Variants in EMC3 observed in about 807,000 individuals in gnomAD.
The protein encoded by EMC3 is 30 kDa protein.
Under a neutral mutation model 36.6 loss-of-function variants are expected in EMC3, and 13 were observed. That is an observed-to-expected ratio of 0.35 (90% confidence interval 0.23 to 0.56). The LOEUF (loss-of-function observed/expected upper bound fraction) is 0.56. Among genes scored for constraint, EMC3 ranks in the 20% least tolerant of loss-of-function variants. The probability of loss-of-function intolerance (pLI) is 0.84; values close to 1 mark genes in which losing one functional copy is unlikely to be tolerated. For missense variants in EMC3, 220 were observed against 324.5 expected, an observed-to-expected ratio of 0.68 and a Z score of 2.47; for synonymous variants, 120 against 111.9, an observed-to-expected ratio of 1.07 and a Z score of -0.46.
At chr3:9,977,104 T>G (rs1241179044) in intron 2 of EMC3, 54 bp from the exon 3 acceptor site, 1 of 1,366,094 alleles carries the variant, frequency 7.3e-7, no homozygotes, top group African/African-American at 1.5e-5. Context: ...CACAGCAAAC[T>G]GTTAAATTAC....
At position 10,007,597 on chromosome 3, in the gene EMC3, G is replaced by A. The variant is rs758733573; in HGVS notation, c.-242+3426C>T. ...GCAGGCATCCTGGGTGTCAGGGGAG[G>A]GTTGATGGCAAGACACAGCAGCAGC... On this transcript the variant is annotated intron_variant, in intron 1 of 8. Coordinates refer to the EMC3 transcript ENST00000470827. 3.2e-5 allele frequency: 44 copies of A among 1,367,456 alleles called. No individual in the cohort carries two copies. The Admixed American group carries it at 8.2e-4, about 25-fold the overall frequency. 84.7% of individuals were successfully genotyped at this position (1,367,456 alleles called of 1,614,324 possible). A position where few individuals can be genotyped will look rare whatever the true frequency, so the allele number is the denominator to read the frequency against.
At chr3:9,971,975 A>G (rs1474874813) in intron 5 of EMC3, among the ~76,000 whole-genome samples, 1 of 152,246 alleles carries the variant, frequency 6.6e-6, no homozygotes, top group African/African-American at 2.4e-5. Flanking sequence ...AGTATTTTCT[A>G]AGAGCTTTTC....
At chr3:9,988,597 A>G (rs2086007303), upstream of EMC3, 1 of 893,428 alleles carries the variant, frequency 1.1e-6, no homozygotes, top group East Asian at 2.5e-5. Context: ...ATGATAGCTG[A>G]TGGTTGCCAT....
At chr3:9,997,935 T>C (rs912066784) in intron 1 of EMC3, among the ~76,000 whole-genome samples, 18 of 152,204 alleles carry the variant, frequency 1.2e-4, no homozygotes, top group Admixed American at 9.8e-4. Flanking sequence ...TGCTGGATCA[T>C]GTGATGAACA....
intron 1 of EMC3, chr3:9,981,743 AT>A (rs1160501243): frequency 2.3e-6 from 1 of 442,974 alleles, no homozygotes; most frequent in African/African-American, 2.1e-5. Flanking sequence ...CCTGAAAGAT[AT>A]TTTCTTGGAA....
At chr3:9,986,464 G>A (rs1166033497) in intron 1 of EMC3, 43 bp downstream of exon 1, 1 of 1,602,232 alleles carries the variant, frequency 6.2e-7, no homozygotes, top group Non-Finnish European at 8.5e-7. Context: ...TTTGCCCAAG[G>A]TCACGGCGGT....
chr3:10,010,048 C>G (rs2086307159), intron 1 of EMC3: 1 of 152,760 alleles, frequency 6.5e-6, no homozygotes, highest in Non-Finnish European at 1.5e-5. Context: ...TGTCTGGTCC[C>G]CCCTGCCTGC....
chr3:9,990,663 C>A (rs1258343761), upstream of EMC3, among the ~76,000 whole-genome samples: 7 of 152,168 alleles, frequency 4.6e-5, no homozygotes, highest in Admixed American at 2.6e-4. Context: ...GTGCCTGCCA[C>A]CATGCCTGGC....
At chr3:9,974,056 C>A (rs3732966) in intron 4 of EMC3, among the ~76,000 whole-genome samples, 1 of 152,040 alleles carries the variant, frequency 6.6e-6, no homozygotes, top group Admixed American at 6.5e-5. Context: ...AATCAACTTA[C>A]AAACAAACAG....
Position 9,970,774 on chromosome 3 carries a change from T to G in EMC3, c.495-113A>C, listed in dbSNP as rs1575674397. The G allele has an allele frequency of 3.2e-6, 3 of 926,662 alleles. No homozygotes were observed. In the East Asian group the frequency reaches 7.5e-5, roughly 23 times the overall value. 57.4% of individuals were successfully genotyped at this position (926,662 alleles called of 1,614,324 possible). On this transcript the variant is annotated intron_variant, in intron 5 of 7. Coordinates refer to ENST00000245046, the MANE Select transcript of EMC3 (RefSeq NM_001394674.1). ...GTGTTTGTAAAGAAGTCACCTTGGA[T>G]GGGCTATATTCATCCAAAGCACAAC...
intron 1 of EMC3, chr3:10,007,764 G>T: frequency 3.5e-6 from 3 of 856,030 alleles, no homozygotes; most frequent in South Asian, 1.6e-5. Flanking sequence ...TTCCTTGTGG[G>T]TTCCTAATGA....
At chr3:9,995,437 G>T (rs570411260) in intron 1 of EMC3, among the ~76,000 whole-genome samples, 1 of 151,308 alleles carries the variant, frequency 6.6e-6, no homozygotes, top group African/African-American at 2.4e-5. Context: ...AGGTCAAGAC[G>T]GGATGGTCAA....
chr3:9,983,334 G>A (rs2124916564), intron 1 of EMC3, among the ~76,000 whole-genome samples: 1 of 152,174 alleles, frequency 6.6e-6, no homozygotes, highest in East Asian at 1.9e-4. Context: ...TTTTAGCAGA[G>A]ATGGGGTTTC....
rs2085707111 is a variant in EMC3 at position 9,963,467 on chromosome 3, ATATATATATAT to A, written c.*591_*601del. ...TCTGCTAAGATAGATATATATATAT[ATATATATATAT>A]TTTTTTTTTTTTTTCAGATGGAGTT... On this transcript the variant is annotated 3_prime_UTR_variant, in exon 8 of 8. Transcript: ENST00000245046. 4 of 105,842 alleles carry A rather than the reference ATATATATATAT, an allele frequency of 3.8e-5. No individual in the cohort carries two copies. The highest frequency in any genetic ancestry group is 1.5e-4 in the African/African-American group (4 of 26,476). 6.6% of individuals were successfully genotyped at this position (105,842 alleles called of 1,614,324 possible). A position where few individuals can be genotyped will look rare whatever the true frequency, so the allele number is the denominator to read the frequency against.
At chr3:9,996,290 C>G (rs140390578) in intron 1 of EMC3, among the ~76,000 whole-genome samples, 4,502 of 152,044 alleles carry the variant, frequency 0.03, 89 homozygotes, top group South Asian at 0.088. Context: ...CAAAAACATA[C>G]AAAAATTAGC....
intron 1 of EMC3, among the ~76,000 whole-genome samples, chr3:9,993,398 G>A (rs2086079631): frequency 6.6e-6 from 1 of 152,222 alleles, no homozygotes; most frequent in Admixed American, 6.5e-5. Context: ...TGAACGTTCA[G>A]TATATTAACA....
chr3:9,996,971 T>C (rs1027956913), intron 1 of EMC3, among the ~76,000 whole-genome samples: 3 of 152,190 alleles, frequency 2.0e-5, no homozygotes, highest in Admixed American at 2.0e-4. Context: ...TTTTTAAGGG[T>C]ACATTTAGTA....
intron 5 of EMC3, among the ~76,000 whole-genome samples, chr3:9,971,675 C>T (rs769900704): frequency 3.9e-5 from 6 of 152,146 alleles, no homozygotes; most frequent in Non-Finnish European, 7.4e-5. Context: ...TTGTTTAGCC[C>T]AATGAGACTG....
At chr3:9,971,870 C>A (rs1360931974) in intron 5 of EMC3, among the ~76,000 whole-genome samples, 1 of 152,150 alleles carries the variant, frequency 6.6e-6, no homozygotes, top group Non-Finnish European at 1.5e-5. Context: ...GTCCATTTTT[C>A]TTTTCCTCTT....
Sources: allele counts gnomAD v4.1 joint callset (sites outside exome capture counted in the v4.1 genomes callset), GRCh38; gene constraint gnomAD v4.1.1; transcripts MANE v1.5; gene names NCBI Gene and HGNC (gene_info 2026-07-23, HGNC 2026-07-21).